Variants in DAAM1 observed in about 807,000 individuals in gnomAD.
DAAM1 encodes dishevelled associated activator of morphogenesis 1, also known as disheveled-associated activator of morphogenesis 1.
Under a neutral mutation model 130.0 loss-of-function variants are expected in DAAM1, and 52 were observed. That is an observed-to-expected ratio of 0.40 (90% CI 0.32 to 0.50). The LOEUF is 0.50. Among genes scored for constraint, DAAM1 ranks in the 20% least tolerant of loss-of-function variants. The pLI, the probability that DAAM1 is intolerant of heterozygous loss-of-function variation, is 0.61. For missense variants in DAAM1, 1,134 were observed against 1,303.8 expected (o/e 0.87, Z 2.01); for synonymous variants, 452 against 444.5 (o/e 1.02, Z -0.21).
intron 17 of DAAM1, among the ~76,000 whole-genome samples, chr14:59,350,121 C>G (rs74057110): frequency 6.6e-6 from 1 of 152,094 alleles, no homozygotes; most frequent in Non-Finnish European, 1.5e-5. Context: ...CGTTTGAACT[C>G]AGGAACAGAA....
chr14:59,194,141 C>T (rs1023536072), intron 1 of DAAM1, among the ~76,000 whole-genome samples: 3 of 105,666 alleles, frequency 2.8e-5, no homozygotes, highest in Admixed American at 1.1e-4. Flanking sequence ...CTGATGTTGC[C>T]TGGTTTCTGA....
At chr14:59,287,956 AC>A (rs1310143121) in intron 2 of DAAM1, among the ~76,000 whole-genome samples, 2 of 152,184 alleles carry the variant, frequency 1.3e-5, no homozygotes, top group East Asian at 1.9e-4. Context: ...AGGAGCACGG[AC>A]CATCAAAGCA....
chr14:59,328,200 T>C (rs1885282578), intron 12 of DAAM1, among the ~76,000 whole-genome samples: 1 of 152,200 alleles, frequency 6.6e-6, no homozygotes, highest in Non-Finnish European at 1.5e-5. Flanking sequence ...ATAACTGATA[T>C]CAGAAAATAC....
chr14:59,367,719 G>C, intron 24 of DAAM1, 120 bp downstream of exon 24: 1 of 1,320,696 alleles, frequency 7.6e-7, no homozygotes, highest in Non-Finnish European at 9.9e-7. Context: ...GTACTCTCTA[G>C]AATGCTGTGG....
At chr14:59,344,123 T>C (rs2139655392) in intron 16 of DAAM1, among the ~76,000 whole-genome samples, 1 of 152,204 alleles carries the variant, frequency 6.6e-6, no homozygotes, top group South Asian at 2.1e-4. Flanking sequence ...TGAAACACAG[T>C]TTTATGAAGT....
At chr14:59,205,176 TC>T in intron 1 of DAAM1, among the ~76,000 whole-genome samples, 1 of 152,360 alleles carries the variant, frequency 6.6e-6, no homozygotes, top group African/African-American at 2.4e-5. Flanking sequence ...TTACTCTAGT[TC>T]CTGTAAATTT....
rs369189728 is a variant in DAAM1, at chr14:59,367,588, A to G, written c.2986A>G (p.Met996Val). 33 of 1,613,200 alleles carry G rather than the reference A, an allele frequency of 2.0e-5. No homozygotes were observed. The highest frequency in any genetic ancestry group is 7.7e-5 in the South Asian group (7 of 91,018). The change falls in exon 24 of 25, where the codon ATG (methionine) becomes GTG (valine). Residue 996 changes from methionine to valine, a missense_variant. Physicochemically the swap from Met to Val is conservative, Grantham distance 21 (BLOSUM62 1). Coordinates refer to ENST00000360909, the MANE Select transcript of DAAM1 (RefSeq NM_001270520.2). Reference sequence around the variant, plus strand: ...GGAGGAAGAAGAACGTCGAGCTCGCATGGAAGCTCAGGTGAGAGGATGATT... The same window carrying G: ...GGAGGAAGAAGAACGTCGAGCTCGCGTGGAAGCTCAGGTGAGAGGATGATT... ...KKEEEERRAR[M>V]EAQLKEQRER...
intron 2 of DAAM1, among the ~76,000 whole-genome samples, chr14:59,289,162 G>A (rs868023669): frequency 1.4e-4 from 22 of 151,892 alleles, no homozygotes; most frequent in African/African-American, 3.4e-4. Flanking sequence ...TGATCTGCCC[G>A]CCTCGGCCTC....
At chr14:59,208,709 G>A (rs1337696196) in intron 1 of DAAM1, among the ~76,000 whole-genome samples, 6 of 152,124 alleles carry the variant, frequency 3.9e-5, no homozygotes, top group Non-Finnish European at 5.9e-5. Context: ...CAAATCTCAT[G>A]TCGAAATGTA....
intron 12 of DAAM1, among the ~76,000 whole-genome samples, chr14:59,330,135 T>G (rs923635121): frequency 6.6e-6 from 1 of 152,256 alleles, no homozygotes; most frequent in Non-Finnish European, 1.5e-5. Context: ...TTTGAATATT[T>G]ATTTTTTTCC....
intron 3 of DAAM1, among the ~76,000 whole-genome samples, chr14:59,292,699 C>A (rs777356748): frequency 1.2e-4 from 19 of 152,330 alleles, no homozygotes; most frequent in Non-Finnish European, 2.2e-4. Context: ...GTGTCAGATT[C>A]AGTTCTGGTG....
chr14:59,363,571 G>A (rs1886795459), intron 22 of DAAM1, 80 bp from the exon 23 acceptor site: 2 of 1,570,094 alleles, frequency 1.3e-6, no homozygotes, highest in African/African-American at 2.7e-5. Flanking sequence ...TAAATTTAAG[G>A]CATGTGAAAT....
chr14:59,331,698 C>A, intron 14 of DAAM1, 115 bp from the exon 15 acceptor site: 1 of 1,494,442 alleles, frequency 6.7e-7, no homozygotes, highest in Non-Finnish European at 9.0e-7. Context: ...AAACCCGTCA[C>A]TTTGAGTGTC....
chr14:59,210,968 G>A lies in DAAM1; in HGVS notation c.-38+22200G>A, dbSNP rs1007050567. Among the ~76,000 whole-genome samples, 105 of 148,092 alleles carry A rather than the reference G, an allele frequency of 7.1e-4. 2 individuals carry two copies. Among genetic ancestry groups the A allele is most frequent in the Non-Finnish European group, 1.5e-4 (10 of 66,066 alleles). ...ATGGTGTTGTAAAACAGATCCAAAT[G>A]CTTGTCTAAAATATTTGCAGCATTG... On this transcript the variant is annotated intron_variant, in intron 1 of 24. Transcript: ENST00000360909.
intron 3 of DAAM1, among the ~76,000 whole-genome samples, chr14:59,292,305 C>T (rs1216309277): frequency 6.6e-6 from 1 of 152,190 alleles, no homozygotes; most frequent in Admixed American, 6.5e-5. Context: ...TTTCAAGACA[C>T]CACTGTCAGG....
At chr14:59,286,212 T>G (rs985243016) in intron 2 of DAAM1, among the ~76,000 whole-genome samples, 5 of 151,844 alleles carry the variant, frequency 3.3e-5, no homozygotes, top group Admixed American at 3.3e-4. Flanking sequence ...GTATAAAAAT[T>G]TTTTTTTAAA....
chr14:59,204,006 G>A (rs1165997223), intron 1 of DAAM1, among the ~76,000 whole-genome samples: 1 of 152,242 alleles, frequency 6.6e-6, no homozygotes, highest in Non-Finnish European at 1.5e-5. Flanking sequence ...ATTGCCAAAT[G>A]TTTAGGTACT....
At chr14:59,308,404 T>C (rs913755105) in intron 3 of DAAM1, among the ~76,000 whole-genome samples, 1 of 152,192 alleles carries the variant, frequency 6.6e-6, no homozygotes, top group Non-Finnish European at 1.5e-5. Context: ...TGCTGGGTCA[T>C]TGTTCATAGG....
At position 59,359,450 on chromosome 14, in the gene DAAM1, G is replaced by C; in HGVS notation, c.2579G>C (p.Ser860Thr). 6.2e-7 allele frequency: 1 copy of C among 1,613,880 alleles called. No individual in the cohort carries two copies. Among genetic ancestry groups the C allele is most frequent in the Non-Finnish European group, 8.5e-7 (1 of 1,179,872 alleles). ...LITIVENKYP[S>T]VLNLNEELRD... is the part of the protein sequence containing the mutation. ...ACTATTGTGGAAAATAAGTACCCCA[G>C]TGTTCTCAATCTAAATGAAGAATTG... Residue 860 changes from serine (S) to threonine (T), a missense_variant, in exon 21 of 25, where the codon AGT becomes ACT. Coordinates refer to ENST00000360909, the MANE Select transcript of DAAM1 (RefSeq NM_001270520.2).
Sources: allele counts gnomAD v4.1 joint callset (sites outside exome capture counted in the v4.1 genomes callset), GRCh38; gene constraint gnomAD v4.1.1; transcripts MANE v1.5; gene names NCBI Gene and HGNC (gene_info 2026-07-23, HGNC 2026-07-21).